The following ACAD11 variants were observed in gnomAD, a reference collection of about 807,000 sequenced individuals.
The protein encoded by ACAD11 is acyl-CoA dehydrogenase family member 11, also known as acyl-Coenzyme A dehydrogenase family, member 11.
Under a neutral mutation model 102.2 loss-of-function variants are expected in ACAD11, and 83 were observed. The ratio of observed to expected loss-of-function variants is 0.81; its 90% confidence interval spans 0.68 to 0.97. The LOEUF (loss-of-function observed/expected upper bound fraction) is 0.97. ACAD11 is among the 50% of genes least tolerant of loss of function. The probability of loss-of-function intolerance (pLI) is 0.00; values close to 1 mark genes in which losing one functional copy is unlikely to be tolerated. For synonymous variants in ACAD11, 324 were observed against 319.8 expected (o/e 1.01, Z -0.14); for missense variants, 901 against 951.7 (o/e 0.95, Z 0.70).
At chr3:132,639,171 C>T (rs568984287) in intron 5 of ACAD11, among the ~76,000 whole-genome samples, 1 of 152,268 alleles carries the variant, frequency 6.6e-6, no homozygotes, top group Admixed American at 6.5e-5. Flanking sequence ...ACAGCAAGAA[C>T]ATGGATAAGC....
chr3:132,576,479 T>C (rs1559936025), intron 16 of ACAD11, among the ~76,000 whole-genome samples: 1 of 152,372 alleles, frequency 6.6e-6, no homozygotes, highest in East Asian at 1.9e-4. Flanking sequence ...TTTATGCTTC[T>C]AACTTATATC....
In ACAD11 at chr3:132,567,054, C is replaced by G. The variant is rs558405384; in HGVS notation, c.2002-5837G>C. Reference sequence around the variant, plus strand: ...AGTGCAGTGGCGTGATCTCAGCTCACTGCAACCTCCGCCTCCTGGGTTTAA... The same window carrying G: ...AGTGCAGTGGCGTGATCTCAGCTCAGTGCAACCTCCGCCTCCTGGGTTTAA... On this transcript the variant is annotated intron_variant, in intron 17 of 19. Coordinates refer to ENST00000264990, the MANE Select transcript of ACAD11 (RefSeq NM_032169.5). Among the ~76,000 whole-genome samples, 3 of 152,324 alleles carry G rather than the reference C, an allele frequency of 2.0e-5. No individual in the cohort carries two copies. In the East Asian group the frequency reaches 5.8e-4, roughly 29 times the overall value.
At chr3:132,601,141 T>C in intron 13 of ACAD11, 1 of 1,613,190 alleles carries the variant, frequency 6.2e-7, no homozygotes, top group East Asian at 2.2e-5. Flanking sequence ...TCGTTATAGT[T>C]TTCATTGTCA....
chr3:132,657,232 C>T (rs1937856510), intron 1 of ACAD11, among the ~76,000 whole-genome samples: 1 of 152,146 alleles, frequency 6.6e-6, no homozygotes, highest in African/African-American at 2.4e-5. Flanking sequence ...TTGAAAAGTT[C>T]TTCTTTTCCC....
intron 17 of ACAD11, among the ~76,000 whole-genome samples, chr3:132,574,791 AG>A (rs931684972): frequency 1.3e-5 from 2 of 152,216 alleles, no homozygotes; most frequent in African/African-American, 4.8e-5. Flanking sequence ...TTTTTAAGGA[AG>A]TCTGAAATAA....
chr3:132,600,853 A>G lies in ACAD11; in HGVS notation c.1621+2376T>C, dbSNP rs142351422. 3.9e-3 allele frequency: 6,330 copies of G among 1,613,842 alleles called. 11 individuals carry two copies. Among genetic ancestry groups the G allele is most frequent in the Admixed American group, 5.3e-3 (319 of 60,010 alleles). On this transcript the variant is annotated intron_variant, in intron 13 of 19. Transcript: ENST00000264990. ...TCCCCAGCCAATCAGGAGTGGGAAA[A>G]CCATGCTGGATCATCTGTTTCTGTG...
chr3:132,620,010 C>A (rs1939550776), intron 9 of ACAD11, among the ~76,000 whole-genome samples: 1 of 152,190 alleles, frequency 6.6e-6, no homozygotes. Context: ...AGCCCTGTTA[C>A]ACCCTAGGTT....
At chr3:132,644,603 G>A (rs960903218) in intron 2 of ACAD11, among the ~76,000 whole-genome samples, 194 bp downstream of exon 2, 1 of 151,996 alleles carries the variant, frequency 6.6e-6, no homozygotes, top group African/African-American at 2.4e-5. Context: ...CCTAAAGATA[G>A]ACTTACATTT....
At chr3:132,581,665 G>GA (rs1332478773) in intron 13 of ACAD11, among the ~76,000 whole-genome samples, 1 of 151,966 alleles carries the variant, frequency 6.6e-6, no homozygotes, top group East Asian at 1.9e-4. Context: ...AAATAATGTT[G>GA]AAATGCACAA....
At chr3:132,646,814 ATTATG>A (rs1037237044) in intron 1 of ACAD11, among the ~76,000 whole-genome samples, 2 of 152,222 alleles carry the variant, frequency 1.3e-5, no homozygotes, top group African/African-American at 4.8e-5. Flanking sequence ...TCTTGAAAAT[ATTATG>A]TTAAGTGAAA....
At chr3:132,588,170 C>G (rs1257409335) in intron 13 of ACAD11, among the ~76,000 whole-genome samples, 1 of 152,014 alleles carries the variant, frequency 6.6e-6, no homozygotes, top group Non-Finnish European at 1.5e-5. Flanking sequence ...TTGTTCACTT[C>G]CCTGAGAATT....
At chr3:132,618,578 T>A (rs1299649263) in intron 11 of ACAD11, 56 bp downstream of exon 11, 5 of 1,426,548 alleles carry the variant, frequency 3.5e-6, no homozygotes, top group Non-Finnish European at 4.6e-6. Context: ...TATATAGAAA[T>A]TTTAAACACT....
At chr3:132,589,828 T>C (rs1175025887) in intron 13 of ACAD11, among the ~76,000 whole-genome samples, 2 of 152,220 alleles carry the variant, frequency 1.3e-5, no homozygotes, top group African/African-American at 4.8e-5. Context: ...TTAAGCCCAG[T>C]ACCCAATTGT....
At chr3:132,577,663 G>A (rs1329470723) in intron 15 of ACAD11, among the ~76,000 whole-genome samples, 6 of 152,118 alleles carry the variant, frequency 3.9e-5, no homozygotes, top group African/African-American at 1.4e-4. Context: ...TCCCTGCCAA[G>A]TTTTAGAGAT....
intron 11 of ACAD11, among the ~76,000 whole-genome samples, chr3:132,611,946 G>T (rs549606592): frequency 4.4e-4 from 67 of 152,138 alleles, no homozygotes; most frequent in Middle Eastern, 3.4e-3. Flanking sequence ...AACAAAGCTG[G>T]AGGCATCACG....
At chr3:132,608,870 A>C (rs764188739) in intron 11 of ACAD11, among the ~76,000 whole-genome samples, 1 of 152,202 alleles carries the variant, frequency 6.6e-6, no homozygotes, top group African/African-American at 2.4e-5. Context: ...ACTTATTCTA[A>C]AATTGACCAC....
In ACAD11 at chr3:132,630,453, A is replaced by G; in HGVS notation, c.947T>C (p.Met316Thr). The change falls in exon 7 of 20, where the codon ATG (methionine) becomes ACG (threonine). Residue 316 changes from methionine to threonine, a missense_variant. Met to Thr is a moderately conservative substitution (Grantham distance 81, BLOSUM62 -1). Coordinates refer to ENST00000264990, the MANE Select transcript of ACAD11 (RefSeq NM_032169.5). ...ATTAATTACCTGTGCTATTCCAGCC[A>G]TCTTAAAATATGAAAGGGCAAGAAA... Reference protein sequence around the residue: ...NFFLALSYFKMAGIAQGVYSR... With the variant: ...NFFLALSYFKTAGIAQGVYSR... 3 of 1,613,380 alleles carry G rather than the reference A, an allele frequency of 1.9e-6. No individual in the cohort carries two copies. Among genetic ancestry groups the G allele is most frequent in the Non-Finnish European group, 2.5e-6 (3 of 1,179,726 alleles).
intron 13 of ACAD11, among the ~76,000 whole-genome samples, chr3:132,592,180 C>T (rs2107809034): frequency 6.6e-6 from 1 of 152,160 alleles, no homozygotes; most frequent in South Asian, 2.1e-4. Flanking sequence ...AAAAACCCTT[C>T]CCAAAGATAT....
chr3:132,574,911 C>T (rs1215549277), intron 17 of ACAD11, among the ~76,000 whole-genome samples: 2 of 152,078 alleles, frequency 1.3e-5, no homozygotes, highest in Non-Finnish European at 2.9e-5. Flanking sequence ...CTTGGCTGAA[C>T]GCAACCTCTG....
Sources: allele counts gnomAD v4.1 joint callset (sites outside exome capture counted in the v4.1 genomes callset), GRCh38; gene constraint gnomAD v4.1.1; transcripts MANE v1.5; gene names NCBI Gene and HGNC (gene_info 2026-07-23, HGNC 2026-07-21).